HMCN1: variants seen among roughly 807,000 people sequenced by gnomAD.
HMCN1 encodes hemicentin-1.
HMCN1 carries 321 observed loss-of-function variants against 625.9 expected under a neutral mutation model. That is an observed-to-expected ratio of 0.51 (90% CI 0.47 to 0.56). The LOEUF (loss-of-function observed/expected upper bound fraction) is 0.56. HMCN1 is among the 20% of genes least tolerant of loss of function. The probability of loss-of-function intolerance (pLI) is 0.00; values close to 1 mark genes in which losing one functional copy is unlikely to be tolerated. For synonymous variants in HMCN1, 2,425 were observed against 2,417.6 expected (o/e 1.00, Z -0.09); for missense variants, 6,588 against 6,887.3 (o/e 0.96, Z 1.54).
chr1:186,097,809 AG>A (rs887426133), intron 68 of HMCN1, among the ~76,000 whole-genome samples: 2 of 152,162 alleles, frequency 1.3e-5, no homozygotes, highest in East Asian at 3.9e-4. Flanking sequence ...AATACTACAA[AG>A]CTGTATTAAT....
chr1:185,915,207 C>T (rs940881215), intron 6 of HMCN1, among the ~76,000 whole-genome samples: 1 of 152,024 alleles, frequency 6.6e-6, no homozygotes, highest in Non-Finnish European at 1.5e-5. Context: ...AAAGAAGTAA[C>T]TGGAAATAAC....
At chr1:186,076,774 A>G in intron 54 of HMCN1, 152 bp downstream of exon 54, 1 of 741,460 alleles carries the variant, frequency 1.3e-6, no homozygotes, top group Non-Finnish European at 2.3e-6. Flanking sequence ...CGTAGCTTCA[A>G]TCTAGAAGAG....
At chr1:186,032,554 T>G (rs574590792) in intron 36 of HMCN1, among the ~76,000 whole-genome samples, 1 of 152,258 alleles carries the variant, frequency 6.6e-6, no homozygotes, top group South Asian at 2.1e-4. Flanking sequence ...TGCTCTGCAC[T>G]GCTCCTTGCT....
At chr1:186,178,880 G>A (rs763575480) in intron 104 of HMCN1, 114 bp downstream of exon 104, 3 of 799,992 alleles carry the variant, frequency 3.8e-6, no homozygotes, top group Non-Finnish European at 6.6e-6. Flanking sequence ...CTCAAGTTCG[G>A]AATGACTCAA....
intron 36 of HMCN1, among the ~76,000 whole-genome samples, chr1:186,029,235 C>CTA (rs139403830): frequency 0.021 from 3,171 of 151,864 alleles, 110 homozygotes; most frequent in African/African-American, 0.072. Context: ...CCTTCTGAGG[C>CTA]TATAAATTAA....
intron 4 of HMCN1, among the ~76,000 whole-genome samples, chr1:185,886,359 A>C (rs1331204872): frequency 6.6e-6 from 1 of 152,156 alleles, no homozygotes; most frequent in Non-Finnish European, 1.5e-5. Flanking sequence ...ATAGTTAAGT[A>C]GATAAATACC....
intron 89 of HMCN1, among the ~76,000 whole-genome samples, chr1:186,141,945 G>C (rs2224575): frequency 0.5 from 75,630 of 151,906 alleles, 21,203 homozygotes; most frequent in African/African-American, 0.76. Flanking sequence ...GTAACAAATT[G>C]AGTTATAATA....
intron 1 of HMCN1, among the ~76,000 whole-genome samples, chr1:185,735,353 C>T (rs1253938822): frequency 6.6e-6 from 1 of 152,184 alleles, no homozygotes; most frequent in African/African-American, 2.4e-5. Context: ...ACTTAACTCA[C>T]TTAGATTTTA....
chr1:185,734,807 G>A lies in HMCN1; in HGVS notation c.28G>A (p.Val10Ile), dbSNP rs752822947. MISWEVVHT[V>I]FLFALLYSSL... ...GATTTCCTGGGAAGTTGTCCATACAGTATTCCTGTTTGCTCTTCTTTATTC... is the reference window on the plus strand; with the variant it reads ...GATTTCCTGGGAAGTTGTCCATACAATATTCCTGTTTGCTCTTCTTTATTC... The change falls in exon 1 of 107, where the codon GTA (valine) becomes ATA (isoleucine). Residue 10 changes from valine to isoleucine, a missense_variant. Physicochemically the swap from Val to Ile is conservative, Grantham distance 29. Transcript: ENST00000271588. 2 of 1,614,188 alleles carry A rather than the reference G, an allele frequency of 1.2e-6. No homozygotes were observed. Among genetic ancestry groups the A allele is most frequent in the South Asian group, 1.1e-5 (1 of 91,086 alleles).
At chr1:185,970,925 G>T (rs1273949513) in intron 15 of HMCN1, among the ~76,000 whole-genome samples, 1 of 152,062 alleles carries the variant, frequency 6.6e-6, no homozygotes, top group East Asian at 1.9e-4. Context: ...CTCCCAAAGT[G>T]CTGGGATTAC....
At chr1:186,118,237 G>A (rs1315469241) in intron 77 of HMCN1, among the ~76,000 whole-genome samples, 1 of 152,048 alleles carries the variant, frequency 6.6e-6, no homozygotes, top group Non-Finnish European at 1.5e-5. Context: ...CTACACTGGG[G>A]AAACACAATA....
intron 48 of HMCN1, among the ~76,000 whole-genome samples, chr1:186,062,897 A>G (rs930252683): frequency 2.6e-5 from 4 of 151,048 alleles, no homozygotes; most frequent in African/African-American, 9.8e-5. Context: ...CTTAGCTCCC[A>G]TTTATAAGTT....
intron 48 of HMCN1, among the ~76,000 whole-genome samples, chr1:186,063,462 GA>G (rs1657896274): frequency 2.6e-5 from 1 of 38,026 alleles, no homozygotes; most frequent in Non-Finnish European, 4.5e-5. Context: ...AGGAAGGAAG[GA>G]AGGAAGGAAG....
Position 185,824,112 on chromosome 1 carries a change from C to G in HMCN1, c.269-21914C>G, listed in dbSNP as rs572749917. 2.6e-5 allele frequency among the ~76,000 whole-genome samples: 4 copies of G among 152,234 alleles called. No individual in the cohort carries two copies. In the East Asian group the frequency reaches 7.7e-4, roughly 29 times the overall value. ...GGATATTTTTGTTAACTCACATGTC[C>G]TGAGTACTTGGCTTTATGCTTCAGC... is the stretch of plus-strand genomic sequence containing the variant. On this transcript the variant is annotated intron_variant, in intron 1 of 106. Transcript: ENST00000271588.
chr1:185,963,756 T>A lies in HMCN1; in HGVS notation c.1971-12T>A, dbSNP rs548563582. 6 of 1,579,210 alleles carry A rather than the reference T, an allele frequency of 3.8e-6. No individual in the cohort carries two copies. Among genetic ancestry groups the A allele is most frequent in the Non-Finnish European group, 5.2e-6 (6 of 1,148,862 alleles). ...TTTTCAATTTTATATTCTTTTTGTT[T>A]TTTATTCATAGGTATAGGATGACCT... On this transcript the variant is annotated splice_polypyrimidine_tract_variant and intron_variant, in intron 12 of 106. Coordinates refer to ENST00000271588, the MANE Select transcript of HMCN1 (RefSeq NM_031935.3).
intron 1 of HMCN1, among the ~76,000 whole-genome samples, chr1:185,742,160 G>A (rs1654035631): frequency 6.6e-6 from 1 of 152,042 alleles, no homozygotes; most frequent in African/African-American, 2.4e-5. Context: ...TTTTAACCTT[G>A]CTCGACCGTC....
intron 52 of HMCN1, among the ~76,000 whole-genome samples, chr1:186,074,370 A>G (rs1443888739): frequency 3.8e-5 from 2 of 52,530 alleles, no homozygotes; most frequent in African/African-American, 1.6e-4. Context: ...AACATTTTCT[A>G]CAAAATTATA....
intron 1 of HMCN1, among the ~76,000 whole-genome samples, chr1:185,818,231 T>C (rs1659963213): frequency 6.6e-6 from 1 of 152,228 alleles, no homozygotes; most frequent in Non-Finnish European, 1.5e-5. Context: ...TTGAAATTGA[T>C]TACCTAAGTT....
chr1:186,062,447 T>G, intron 47 of HMCN1, 67 bp from the exon 48 acceptor site: 1 of 929,550 alleles, frequency 1.1e-6, no homozygotes, highest in Non-Finnish European at 1.8e-6. Flanking sequence ...AAACCATACA[T>G]AAATATCTAT....
Sources: allele counts gnomAD v4.1 joint callset (sites outside exome capture counted in the v4.1 genomes callset), GRCh38; gene constraint gnomAD v4.1.1; transcripts MANE v1.5; gene names NCBI Gene and HGNC (gene_info 2026-07-23, HGNC 2026-07-21).